The following NPAS3 variants were observed in gnomAD, a reference collection of about 807,000 sequenced individuals.
NPAS3 encodes neuronal PAS domain protein 3, also known as neuronal PAS domain-containing protein 3.
In NPAS3, 14 loss-of-function variants were observed where a neutral mutation model predicts 73.1. That is an observed-to-expected ratio of 0.19 (90% CI 0.13 to 0.30). NPAS3 has a LOEUF of 0.30. Among genes scored for constraint, NPAS3 ranks in the 10% least tolerant of loss-of-function variants. The probability of loss-of-function intolerance (pLI) is 1.00; values close to 1 mark genes in which losing one functional copy is unlikely to be tolerated. For synonymous variants in NPAS3, 620 were observed against 541.5 expected (o/e 1.14, Z -2.01); for missense variants, 1,096 against 1,250.0 (o/e 0.88, Z 1.86).
intron 6 of NPAS3, among the ~76,000 whole-genome samples, chr14:33,709,132 A>T (rs1192712736): frequency 6.6e-6 from 1 of 151,932 alleles, no homozygotes; most frequent in East Asian, 1.9e-4. Flanking sequence ...TTTGTATTCC[A>T]CTCTTCTGCC....
chr14:33,583,472 A>G (rs1423725537), intron 5 of NPAS3: 1 of 152,212 alleles, frequency 6.6e-6, no homozygotes, highest in Non-Finnish European at 1.5e-5. Flanking sequence ...ATAAAGGTAT[A>G]TCTTTCAGTA....
chr14:33,030,830 A>G (rs1292789707), intron 1 of NPAS3, among the ~76,000 whole-genome samples: 2 of 152,222 alleles, frequency 1.3e-5, no homozygotes, highest in East Asian at 3.9e-4. Flanking sequence ...CATTCTGTGA[A>G]AATAACCTAC....
At chr14:33,450,654 A>G (rs1286020159) in intron 4 of NPAS3, among the ~76,000 whole-genome samples, 1 of 152,154 alleles carries the variant, frequency 6.6e-6, no homozygotes, top group East Asian at 1.9e-4. Context: ...GTTGTACTGT[A>G]TGTTAGAGTT....
At chr14:32,974,755 A>G (rs956120060) in intron 1 of NPAS3, among the ~76,000 whole-genome samples, 2 of 152,164 alleles carry the variant, frequency 1.3e-5, no homozygotes, top group Admixed American at 6.5e-5. Context: ...TCAGAAAAGC[A>G]AAGTCTTTCT....
chr14:33,520,393 T>A (rs372675239), intron 4 of NPAS3, among the ~76,000 whole-genome samples: 2 of 152,112 alleles, frequency 1.3e-5, no homozygotes, highest in East Asian at 3.9e-4. Flanking sequence ...TTTTGTTTCA[T>A]CTGCTGAGGG....
At chr14:33,539,977 G>A (rs1024158393) in intron 4 of NPAS3, among the ~76,000 whole-genome samples, 1 of 152,098 alleles carries the variant, frequency 6.6e-6, no homozygotes, top group African/African-American at 2.4e-5. Flanking sequence ...GGCTGACCAC[G>A]AATGCATCCT....
chr14:33,423,833 G>C (rs990906165), intron 4 of NPAS3, among the ~76,000 whole-genome samples: 1 of 151,992 alleles, frequency 6.6e-6, no homozygotes, highest in East Asian at 1.9e-4. Context: ...GAGAATGACA[G>C]ATTCTAGAAA....
chr14:33,803,570 T>C (rs1197137380), downstream of NPAS3: 1 of 152,186 alleles, frequency 6.6e-6, no homozygotes, highest in African/African-American at 2.4e-5. Context: ...AATGCACCTA[T>C]CAGCTACAAA....
At chr14:33,792,310 A>G (rs560885140) in intron 9 of NPAS3, among the ~76,000 whole-genome samples, 5 of 152,144 alleles carry the variant, frequency 3.3e-5, no homozygotes, top group Non-Finnish European at 7.4e-5. Context: ...GAAACTTGTT[A>G]TGATTTGAAA....
intron 3 of NPAS3, among the ~76,000 whole-genome samples, chr14:33,364,000 A>G (rs2045725182): frequency 6.6e-6 from 1 of 151,702 alleles, no homozygotes; most frequent in South Asian, 2.1e-4. Flanking sequence ...AATTTCAGAA[A>G]ATAGTCTTTT....
intron 9 of NPAS3, among the ~76,000 whole-genome samples, chr14:33,789,090 CAGTT>C (rs2063268314): frequency 6.6e-6 from 1 of 152,140 alleles, no homozygotes; most frequent in South Asian, 2.1e-4. Flanking sequence ...GCTTCCTTCA[CAGTT>C]AGAGGTACGT....
chr14:33,568,249 CTG>C (rs200692084), intron 5 of NPAS3, among the ~76,000 whole-genome samples: 243 of 152,232 alleles, frequency 1.6e-3, no homozygotes, highest in Middle Eastern at 0.014. Flanking sequence ...CATTCTAAGT[CTG>C]TAATTTATTC....
chr14:33,447,312 G>A (rs947484425), intron 4 of NPAS3, among the ~76,000 whole-genome samples: 3 of 152,198 alleles, frequency 2.0e-5, no homozygotes, highest in Non-Finnish European at 4.4e-5. Context: ...AGAAGAGCAT[G>A]TTGTACAACC....
intron 2 of NPAS3, among the ~76,000 whole-genome samples, chr14:33,168,596 T>C (rs4982059): frequency 0.95 from 144,803 of 152,254 alleles, 69,075 homozygotes; most frequent in Non-Finnish European, 0.99. Context: ...CCTCATTTCC[T>C]TCTTTGCTAT....
chr14:33,295,290 G>C (rs1448741481), intron 3 of NPAS3, among the ~76,000 whole-genome samples: 1 of 152,056 alleles, frequency 6.6e-6, no homozygotes, highest in Non-Finnish European at 1.5e-5. Flanking sequence ...ACTGATGAAG[G>C]GTAGGCCTAA....
chr14:33,487,769 CA>C (rs2051683348), intron 4 of NPAS3, among the ~76,000 whole-genome samples: 2 of 151,972 alleles, frequency 1.3e-5, no homozygotes, highest in Non-Finnish European at 2.9e-5. Flanking sequence ...CCTGTAAAAC[CA>C]AGGGTGGGAG....
intron 7 of NPAS3, among the ~76,000 whole-genome samples, chr14:33,758,337 G>T (rs1368770482): frequency 6.6e-6 from 1 of 152,140 alleles, no homozygotes; most frequent in Non-Finnish European, 1.5e-5. Context: ...TAACTCAAAT[G>T]CTGCCTCCTC....
chr14:33,778,356 C>T (rs1245453364), intron 8 of NPAS3, 110 bp from the exon 9 acceptor site: 4 of 726,478 alleles, frequency 5.5e-6, no homozygotes, highest in Non-Finnish European at 7.0e-6. Context: ...CACCTCCTCA[C>T]GGGTACAGTA....
intron 1 of NPAS3, among the ~76,000 whole-genome samples, chr14:33,007,579 C>T (rs936685732): frequency 4.6e-5 from 7 of 152,116 alleles, no homozygotes; most frequent in African/African-American, 1.7e-4. Context: ...TTTTGTTCTG[C>T]AGATGTGGAA....
Sources: allele counts gnomAD v4.1 joint callset (sites outside exome capture counted in the v4.1 genomes callset), GRCh38; gene constraint gnomAD v4.1.1; transcripts MANE v1.5; gene names NCBI Gene and HGNC (gene_info 2026-07-23, HGNC 2026-07-21).